The following DOCK3 variants were observed in gnomAD, a reference collection of about 807,000 sequenced individuals.
DOCK3 encodes dedicator of cytokinesis protein 3.
Under a neutral mutation model 265.6 loss-of-function variants are expected in DOCK3, and 60 were observed. The ratio of observed to expected loss-of-function variants is 0.23; its 90% CI spans 0.18 to 0.28. The LOEUF (loss-of-function observed/expected upper bound fraction) is 0.28. DOCK3 is among the 10% of genes least tolerant of loss of function. The pLI, the probability that DOCK3 is intolerant of heterozygous loss-of-function variation, is 1.00. For missense variants in DOCK3, 1,981 were observed against 2,594.3 expected (o/e 0.76, Z 5.14); for synonymous variants, 881 against 938.0 (o/e 0.94, Z 1.11).
At chr3:50,849,737 G>C (rs2046271020) in intron 3 of DOCK3, among the ~76,000 whole-genome samples, 1 of 152,120 alleles carries the variant, frequency 6.6e-6, no homozygotes, top group African/African-American at 2.4e-5. Context: ...GTAAAAATTA[G>C]ATGCCTTTTT....
Position 51,359,729 on chromosome 3 carries a change from A to C in DOCK3, c.4885-782A>C, listed in dbSNP as rs1215667069. ...AGCCTTTCTCCAGCTACAGAAATAC[A>C]TTTTAGCCCTCTGTATGCTTTGGAA... On this transcript the variant is annotated intron_variant, in intron 46 of 52. Coordinates refer to ENST00000266037, the MANE Select transcript of DOCK3 (RefSeq NM_004947.5). This position sits in a 1 kb window ranked among gnomAD's most constrained non-coding sequence, Gnocchi z 4.8. Among the ~76,000 whole-genome samples the C allele has an allele frequency of 6.6e-6, 1 of 152,206 alleles. No homozygotes were observed. Among genetic ancestry groups the C allele is most frequent in the Admixed American group, 6.5e-5 (1 of 15,282 alleles).
At chr3:50,763,971 CTTTG>C in intron 1 of DOCK3, among the ~76,000 whole-genome samples, 1 of 152,282 alleles carries the variant, frequency 6.6e-6, no homozygotes, top group South Asian at 2.1e-4. Context: ...GGACATATTT[CTTTG>C]TTTGCTGTGA....
At chr3:51,354,222 C>CCCCG (rs113240772) in intron 40 of DOCK3, among the ~76,000 whole-genome samples, 12,026 of 145,944 alleles carry the variant, frequency 0.082, 1,089 homozygotes, top group East Asian at 0.33. Flanking sequence ...TGATCACCAC[C>CCCCG]CCCCCCCCAT....
At chr3:51,325,872 T>G (rs2109868917) in intron 32 of DOCK3, among the ~76,000 whole-genome samples, 1 of 151,740 alleles carries the variant, frequency 6.6e-6, no homozygotes, top group Admixed American at 6.6e-5. Flanking sequence ...TGAGAACACA[T>G]GGACACAGGG....
intron 15 of DOCK3, among the ~76,000 whole-genome samples, chr3:51,227,072 A>C (rs917375394): frequency 6.6e-6 from 1 of 152,218 alleles, no homozygotes; most frequent in Non-Finnish European, 1.5e-5. Context: ...CAAGGAAAAC[A>C]AGGAGCATTG....
At chr3:51,064,217 C>T (rs1265401112) in intron 5 of DOCK3, among the ~76,000 whole-genome samples, 1 of 152,070 alleles carries the variant, frequency 6.6e-6, no homozygotes, top group African/African-American at 2.4e-5. Context: ...GAGATAAATG[C>T]TACTTTTGCA....
chr3:51,309,009 C>G (rs1693702118), intron 27 of DOCK3, among the ~76,000 whole-genome samples: 1 of 151,738 alleles, frequency 6.6e-6, no homozygotes. Context: ...GAGGCGCTCC[C>G]CACATCTCAG....
chr3:50,824,919 A>C (rs1210801077), intron 2 of DOCK3, among the ~76,000 whole-genome samples: 1 of 152,180 alleles, frequency 6.6e-6, no homozygotes, highest in Non-Finnish European at 1.5e-5. Context: ...ATTAATCTTT[A>C]ATCCTTCTTG....
At chr3:50,908,743 C>T (rs1445152102) in intron 4 of DOCK3, among the ~76,000 whole-genome samples, 1 of 152,028 alleles carries the variant, frequency 6.6e-6, no homozygotes, top group East Asian at 1.9e-4. Flanking sequence ...TCGCTTGATC[C>T]AGACCTTAGT....
intron 32 of DOCK3, among the ~76,000 whole-genome samples, chr3:51,320,515 C>G (rs542181706): frequency 3.3e-5 from 5 of 152,096 alleles, no homozygotes; most frequent in African/African-American, 9.7e-5. Context: ...AGCCAGGGAG[C>G]CAAGGGGTCT....
chr3:51,254,742 A>C (rs185163770), intron 22 of DOCK3, among the ~76,000 whole-genome samples: 225 of 151,842 alleles, frequency 1.5e-3, no homozygotes, highest in African/African-American at 5.1e-3. Context: ...CCATCCCTTT[A>C]TTTTGAGCCT....
At chr3:51,180,157 G>A (rs1004179833) in intron 12 of DOCK3, among the ~76,000 whole-genome samples, 9 of 143,550 alleles carry the variant, frequency 6.3e-5, no homozygotes, top group Non-Finnish European at 1.3e-4. Context: ...GCAGTGAGCC[G>A]AGATCACGCC....
At position 51,228,759 on chromosome 3, in the gene DOCK3, C is replaced by T. The variant is rs2090432852; in HGVS notation, c.1746C>T (p.Leu582=). 2 of 1,613,886 alleles carry T rather than the reference C, an allele frequency of 1.2e-6. No individual in the cohort carries two copies. Among genetic ancestry groups the T allele is most frequent in the Non-Finnish European group, 1.7e-6 (2 of 1,179,904 alleles). Residue 582 remains leucine (L), a synonymous_variant, in exon 18 of 53, where the codon CTC becomes CTT. Transcript: ENST00000266037. The part of the protein sequence containing the change: ...YNGCPNIPSS[L]IFQRSTKESF... ...GCTGCCCTAATATTCCTTCTAGCCTCATCTTCCAGCGCAGCACCAAAGAGT... is the reference window on the plus strand; with the variant it reads ...GCTGCCCTAATATTCCTTCTAGCCTTATCTTCCAGCGCAGCACCAAAGAGT...
At chr3:51,335,237 TAAAAAA>T (rs879702583) in intron 35 of DOCK3, among the ~76,000 whole-genome samples, 1 of 134,436 alleles carries the variant, frequency 7.4e-6, no homozygotes, top group African/African-American at 2.8e-5. Context: ...AAATATAATT[TAAAAAA>T]AAAAAAGAAA....
chr3:51,036,109 G>A (rs1241539553), intron 5 of DOCK3, among the ~76,000 whole-genome samples: 1 of 152,122 alleles, frequency 6.6e-6, no homozygotes, highest in Non-Finnish European at 1.5e-5. Context: ...GTACTTCATG[G>A]TAGTCACTTG....
At chr3:51,291,484 G>A (rs2081770428) in intron 27 of DOCK3, among the ~76,000 whole-genome samples, 1 of 152,114 alleles carries the variant, frequency 6.6e-6, no homozygotes, top group African/African-American at 2.4e-5. Context: ...TATGCCGGCA[G>A]ATTGGACAAC....
intron 32 of DOCK3, 34 bp from the exon 33 acceptor site, chr3:51,330,104 A>G (rs1324906016): frequency 6.4e-7 from 1 of 1,565,192 alleles, no homozygotes; most frequent in Non-Finnish European, 8.7e-7. Context: ...TTCTGAGGTC[A>G]TCTCAGGTTT....
At chr3:50,916,379 C>T (rs2050126924) in intron 4 of DOCK3, among the ~76,000 whole-genome samples, 1 of 151,998 alleles carries the variant, frequency 6.6e-6, no homozygotes, top group African/African-American at 2.4e-5. Context: ...GCAAGCTCCG[C>T]CTCCTGGTTT....
intron 5 of DOCK3, among the ~76,000 whole-genome samples, chr3:51,001,492 A>G (rs1245718614): frequency 3.0e-4 from 45 of 152,180 alleles, no homozygotes; most frequent in Admixed American, 2.8e-3. Flanking sequence ...AAAGTTGCCA[A>G]CTGCAGATCT....
Sources: allele counts gnomAD v4.1 joint callset (sites outside exome capture counted in the v4.1 genomes callset), GRCh38; gene constraint gnomAD v4.1.1; non-coding constraint Gnocchi (gnomAD v3.1); transcripts MANE v1.5; gene names NCBI Gene and HGNC (gene_info 2026-07-23, HGNC 2026-07-21).